The following MMP27 variants were observed in gnomAD, a reference collection of about 807,000 sequenced individuals.
MMP27 encodes matrix metallopeptidase 27, also known as matrix metalloproteinase-27.
Under a neutral mutation model 48.1 loss-of-function variants are expected in MMP27, and 51 were observed. The ratio of observed to expected loss-of-function variants is 1.06; its 90% CI spans 0.85 to 1.34. The LOEUF (loss-of-function observed/expected upper bound fraction) is 1.34. Ranked by LOEUF, MMP27 falls within the 40% of genes most tolerant of loss-of-function variation. MMP27 has a pLI of 0.00. For synonymous variants in MMP27, 229 were observed against 208.9 expected, an observed-to-expected ratio of 1.10 and a Z score of -0.83; for missense variants, 698 against 619.3, an observed-to-expected ratio of 1.13 and a Z score of -1.35.
chr11:102,697,438 A>T (rs1296555342), intron 4 of MMP27, among the ~76,000 whole-genome samples: 2 of 152,308 alleles, frequency 1.3e-5, no homozygotes, highest in African/African-American at 2.4e-5. Flanking sequence ...CTAGACACTT[A>T]AGCTACACCA....
Position 102,702,848 on chromosome 11 carries a change from G to A in MMP27, c.524C>T (p.Pro175Leu). ...AAAGGCATGGCCAAGCACTCCCAAG[G>A]GACCATCAAAATAGCGAGGACACCG... Reference protein sequence around the residue: ...HGRCPRYFDGPLGVLGHAFPP... With the variant: ...HGRCPRYFDGLLGVLGHAFPP... Residue 175 changes from proline to leucine, a missense_variant, in exon 4 of 10, where the codon CCC (proline) becomes CTC (leucine). Physicochemically the swap from Pro to Leu is moderately conservative, Grantham distance 98. Transcript: ENST00000260229. The A allele has an allele frequency of 6.2e-7, 1 of 1,613,808 alleles. No individual in the cohort carries two copies. The highest frequency in any genetic ancestry group is 1.1e-5 in the South Asian group (1 of 91,048).
intron 4 of MMP27, among the ~76,000 whole-genome samples, chr11:102,702,387 C>T (rs962905122): frequency 1.3e-5 from 2 of 152,188 alleles, no homozygotes; most frequent in African/African-American, 2.4e-5. Flanking sequence ...CATCTTCTGC[C>T]TTATATGGCA....
Position 102,702,900 on chromosome 11 carries a change from G to C in MMP27, c.491-19C>G. 1 of 1,611,370 alleles carries C rather than the reference G, an allele frequency of 6.2e-7. No homozygotes were observed. Among genetic ancestry groups the C allele is most frequent in the South Asian group, 1.1e-5 (1 of 90,458 alleles). On this transcript the variant is annotated intron_variant, in intron 3 of 9. Transcript: ENST00000260229. ...CCATGGACTGAGATACAATTTATGC[G>C]AGGAAAAAAGATCAGCTTCCTCAAA... is the stretch of plus-strand genomic sequence containing the variant.
intron 7 of MMP27, 74 bp from the exon 8 acceptor site, chr11:102,694,139 A>G: frequency 8.8e-7 from 1 of 1,140,418 alleles, no homozygotes; most frequent in Non-Finnish European, 1.2e-6. Context: ...AAATCATTAG[A>G]TACCTAGTTC....
At position 102,696,426 on chromosome 11, in the gene MMP27, A is replaced by T. The variant is rs11820111; in HGVS notation, c.847T>A (p.Leu283Met). ...AAAGTTGTGATAGCGTCAAAAGTCA[A>T]GTCAGGGTCACAGGCATGGGGTATA... ...PTIPHACDPD[L>M]TFDAITTFRR... The change falls in exon 6 of 10, where the codon TTG (leucine) becomes ATG (methionine). Residue 283 changes from leucine (L) to methionine (M), a missense_variant. Coordinates refer to ENST00000260229, the MANE Select transcript of MMP27 (RefSeq NM_022122.3). 1 of 1,613,916 alleles carries T rather than the reference A, an allele frequency of 6.2e-7. No individual in the cohort carries two copies. Among genetic ancestry groups the T allele is most frequent in the South Asian group, 1.1e-5 (1 of 91,080 alleles).
At chr11:102,694,497 T>C (rs1327934487) in intron 7 of MMP27, among the ~76,000 whole-genome samples, 4 of 152,168 alleles carry the variant, frequency 2.6e-5, no homozygotes, top group Admixed American at 6.5e-5. Context: ...TCTGATAAGA[T>C]CATGATCATT....
intron 6 of MMP27, 76 bp from the exon 7 acceptor site, chr11:102,695,173 C>G: frequency 2.0e-6 from 3 of 1,519,214 alleles, no homozygotes; most frequent in East Asian, 2.3e-5. Context: ...TTAGGCTTGC[C>G]TTTTAGCTAA....
rs1420252138 is a variant in MMP27 at position 102,694,019 on chromosome 11, A to G, written c.1080T>C (p.Tyr360=). 1.9e-6 allele frequency: 3 copies of G among 1,608,442 alleles called. No individual in the cohort carries two copies. Among genetic ancestry groups the G allele is most frequent in the East Asian group, 2.3e-5 (1 of 44,424 alleles). The change falls in exon 8 of 10, where the codon TAT becomes TAC. Residue 360 remains tyrosine (Y), a synonymous_variant. Transcript: ENST00000260229. ...MIRGYAVLPD[Y]PKSIHTLGFP... is the part of the protein sequence containing the mutation. ...AACCTAATGTATGGATGGATTTGGG[A>G]TAATCTGGCAAGACAGCATATCCTC...
At position 102,704,511 on chromosome 11, in the gene MMP27, C is replaced by T. The variant is rs199665304; in HGVS notation, c.341+26G>A. The T allele has an allele frequency of 3.9e-4, 585 of 1,515,264 alleles. 1 individual carries two copies. The highest frequency in any genetic ancestry group is 3.4e-3 in the Middle Eastern group (20 of 5,824). 93.9% of individuals were successfully genotyped at this position (1,515,264 alleles called of 1,614,324 possible). On this transcript the variant is annotated intron_variant, in intron 2 of 9. Transcript: ENST00000260229. ...TATCTTTATGTTCCTTTGGATTAGG[C>T]GGAAATAAGCTGGCAGAAGCATTAC...
intron 4 of MMP27, among the ~76,000 whole-genome samples, chr11:102,699,470 A>AAAT (rs1565427925): frequency 1.3e-5 from 2 of 152,024 alleles, no homozygotes; most frequent in East Asian, 1.9e-4. Flanking sequence ...CCGGTCTCAA[A>AAAT]AAATAAATAA....
rs1406178755 is a variant in MMP27, at chr11:102,702,779, T to C, written c.593A>G (p.Asp198Gly). Reference protein sequence around the residue: ...GLGGDTHFDEDENWTKDGAGF... With the variant: ...GLGGDTHFDEGENWTKDGAGF... ...TGCTCCATCCTTGGTCCAGTTTTCA[T>C]CCTCATCAAAATGAGTGTCACCACC... Residue 198 changes from aspartate (D) to glycine (G), a missense_variant, in exon 4 of 10, where the codon GAT becomes GGT. Transcript: ENST00000260229. 2 of 1,613,678 alleles carry C rather than the reference T, an allele frequency of 1.2e-6. No individual in the cohort carries two copies. Among genetic ancestry groups the C allele is most frequent in the South Asian group, 1.1e-5 (1 of 90,998 alleles).
intron 8 of MMP27, among the ~76,000 whole-genome samples, chr11:102,693,634 T>A (rs1860765997): frequency 6.6e-6 from 1 of 151,864 alleles, no homozygotes; most frequent in African/African-American, 2.4e-5. Context: ...AGTACAAAAA[T>A]TAGCCAGGCG....
rs1860968342 is a variant in MMP27, at chr11:102,702,840, C to T, written c.532G>A (p.Val178Met). Residue 178 changes from valine (V) to methionine (M), a missense_variant, in exon 4 of 10, where the codon GTG (valine) becomes ATG (methionine). Physicochemically the swap from Val to Met is conservative, Grantham distance 21 (BLOSUM62 1). Coordinates refer to ENST00000260229, the MANE Select transcript of MMP27 (RefSeq NM_022122.3). ...CCAGGAGGAAAGGCATGGCCAAGCA[C>T]TCCCAAGGGACCATCAAAATAGCGA... ...CPRYFDGPLG[V>M]LGHAFPPGPG... is the part of the protein sequence containing the mutation. 1.2e-6 allele frequency: 2 copies of T among 1,614,068 alleles called. No individual in the cohort carries two copies. The highest frequency in any genetic ancestry group is 1.7e-5 in the Admixed American group (1 of 59,998).
chr11:102,697,676 A>G (rs1360707351), intron 4 of MMP27, among the ~76,000 whole-genome samples: 2 of 151,556 alleles, frequency 1.3e-5, no homozygotes, highest in African/African-American at 2.4e-5. Context: ...TAATTTTCTT[A>G]TTTATTTTTG....
Position 102,704,578 on chromosome 11 carries a change from G to T in MMP27, c.300C>A (p.Gly100=). The change falls in exon 2 of 10, where the codon GGC becomes GGA. Residue 100 remains glycine, a synonymous_variant. Transcript: ENST00000260229. ...ATTTTCTCCACCCAGGGAGGGTGTA[G>T]CCATACTGGCCCACATCAGGCACCC... ...RCGVPDVGQY[G]YTLPGWRKYN... The T allele has an allele frequency of 1.2e-6, 2 of 1,614,112 alleles. No individual in the cohort carries two copies. The highest frequency in any genetic ancestry group is 1.7e-6 in the Non-Finnish European group (2 of 1,179,978).
At chr11:102,696,238 C>G in intron 6 of MMP27, 133 bp downstream of exon 6, 1 of 782,766 alleles carries the variant, frequency 1.3e-6, no homozygotes, top group Non-Finnish European at 2.0e-6. Context: ...AGCATTCAAA[C>G]AGTATAGGCA....
intron 8 of MMP27, among the ~76,000 whole-genome samples, chr11:102,693,502 G>A (rs1266193948): frequency 1.3e-5 from 2 of 152,078 alleles, no homozygotes; most frequent in African/African-American, 2.4e-5. Flanking sequence ...AAGACTATGG[G>A]CTGGGCGTGG....
intron 2 of MMP27, 55 bp from the exon 3 acceptor site, chr11:102,703,173 A>G: frequency 6.7e-7 from 1 of 1,490,762 alleles, no homozygotes; most frequent in Non-Finnish European, 9.1e-7. Flanking sequence ...ATGAATATAC[A>G]CACATAACTA....
rs1292658049 is a variant in MMP27, at chr11:102,702,804, C to A, written c.568G>T (p.Gly190Cys). 6.2e-7 allele frequency: 1 copy of A among 1,614,028 alleles called. No homozygotes were observed. The highest frequency in any genetic ancestry group is 8.5e-7 in the Non-Finnish European group (1 of 1,179,960). Residue 190 changes from glycine (G) to cysteine (C), a missense_variant, in exon 4 of 10, where the codon GGT becomes TGT. Transcript: ENST00000260229. ...GHAFPPGPGL[G>C]GDTHFDEDEN... Reference sequence around the variant, plus strand: ...TCCTCATCAAAATGAGTGTCACCACCCAGACCCGGACCAGGAGGAAAGGCA... The same window carrying A: ...TCCTCATCAAAATGAGTGTCACCACACAGACCCGGACCAGGAGGAAAGGCA...
Sources: allele counts gnomAD v4.1 joint callset (sites outside exome capture counted in the v4.1 genomes callset), GRCh38; gene constraint gnomAD v4.1.1; transcripts MANE v1.5; gene names NCBI Gene and HGNC (gene_info 2026-07-23, HGNC 2026-07-21).